Variants in RUFY2 observed in about 807,000 individuals in gnomAD.
RUFY2 encodes the protein RUN and FYVE domain containing 2.
In RUFY2, 49 loss-of-function variants were observed where a neutral mutation model predicts 94.4. That is an observed-to-expected ratio of 0.52 (90% CI 0.41 to 0.66). RUFY2 has a LOEUF of 0.66. Among genes scored for constraint, RUFY2 ranks in the 30% least tolerant of loss-of-function variants. RUFY2 has a pLI of 0.00. For synonymous variants in RUFY2, 255 were observed against 235.7 expected (o/e 1.08, Z -0.75); for missense variants, 541 against 692.8 (o/e 0.78, Z 2.46).
chr10:68,343,107 A>T (rs1485803161), downstream of RUFY2: 1 of 152,242 alleles, frequency 6.6e-6, no homozygotes, highest in East Asian at 1.9e-4. Context: ...GATCAAAATG[A>T]AACCTGTTGA....
At chr10:68,383,639 G>A (rs2049264544) in intron 10 of RUFY2, among the ~76,000 whole-genome samples, 159 bp downstream of exon 10, 1 of 152,120 alleles carries the variant, frequency 6.6e-6, no homozygotes, top group Non-Finnish European at 1.5e-5. Flanking sequence ...ATAAAACATT[G>A]ATATAGTGGA....
At chr10:68,390,527 A>G (rs1213540194) in intron 7 of RUFY2, among the ~76,000 whole-genome samples, 3 of 152,200 alleles carry the variant, frequency 2.0e-5, no homozygotes, top group Non-Finnish European at 4.4e-5. Context: ...TAAACACTTA[A>G]AAATGTGGCT....
At chr10:68,355,247 G>A (rs770112708) in intron 16 of RUFY2, 106 bp downstream of exon 16, 26 of 753,832 alleles carry the variant, frequency 3.4e-5, no homozygotes, top group Non-Finnish European at 5.6e-5. Flanking sequence ...CAGTGCTTCG[G>A]CCTCTATATA....
downstream of RUFY2, chr10:68,343,225 A>G (rs1393530751): frequency 2.0e-5 from 3 of 152,174 alleles, no homozygotes; most frequent in African/African-American, 7.2e-5. Context: ...GCTTTGTGTC[A>G]GTTACTAATT....
At chr10:68,392,493 T>G (rs1460593885) in intron 7 of RUFY2, among the ~76,000 whole-genome samples, 2 of 152,170 alleles carry the variant, frequency 1.3e-5, no homozygotes, top group East Asian at 3.8e-4. Context: ...CATTTACATA[T>G]GAAGCCCTTT....
At chr10:68,357,634 C>T (rs2047156033) in intron 15 of RUFY2, among the ~76,000 whole-genome samples, 1 of 151,876 alleles carries the variant, frequency 6.6e-6, no homozygotes, top group Non-Finnish European at 1.5e-5. Flanking sequence ...ATCCCATTAC[C>T]CAGAGGTAAT....
At chr10:68,364,420 T>TATGGTTACACCATAATGTAACC (rs2047662499) in intron 13 of RUFY2, among the ~76,000 whole-genome samples, 3 of 152,194 alleles carry the variant, frequency 2.0e-5, no homozygotes, top group Non-Finnish European at 4.4e-5. Context: ...CACACCATAA[T>TATGGTTACACCATAATGTAACC]ATTAAAACTG....
chr10:68,383,771 G>T, intron 10 of RUFY2, 27 bp downstream of exon 10: 1 of 1,427,912 alleles, frequency 7.0e-7, no homozygotes, highest in Non-Finnish European at 9.9e-7. Flanking sequence ...GGATGATCTT[G>T]CTAATGTAAT....
rs567254928 is a variant in RUFY2 at position 68,386,138 on chromosome 10, A to G, written c.651-10T>C. ...GCTGCTGACTGTGCTGCTGAAATTAAGAAACAAAAAAACTCATTCAAAATC... is the reference window on the plus strand; with the variant it reads ...GCTGCTGACTGTGCTGCTGAAATTAGGAAACAAAAAAACTCATTCAAAATC... On this transcript the variant is annotated splice_polypyrimidine_tract_variant and intron_variant, in intron 7 of 17. Coordinates refer to ENST00000602465, the MANE Select transcript of RUFY2 (RefSeq NM_001330103.2). The G allele has an allele frequency of 3.7e-6, 6 of 1,603,198 alleles. No homozygotes were observed. The South Asian group carries it at 6.8e-5, about 18-fold the overall frequency.
intron 2 of RUFY2, among the ~76,000 whole-genome samples, chr10:68,402,434 C>A (rs2050919105): frequency 6.6e-6 from 1 of 152,032 alleles, no homozygotes; most frequent in Admixed American, 6.6e-5. Context: ...CAAGGACACC[C>A]AAGATAGGCA....
chr10:68,388,506 A>C (rs2049702906), intron 7 of RUFY2, among the ~76,000 whole-genome samples: 1 of 152,172 alleles, frequency 6.6e-6, no homozygotes, highest in African/African-American at 2.4e-5. Context: ...CTATATTTTG[A>C]AATATTCTAA....
intron 12 of RUFY2, chr10:68,378,216 G>T: frequency 1.3e-5 from 13 of 1,003,602 alleles, no homozygotes; most frequent in Non-Finnish European, 1.4e-5. Context: ...AAAAATATCT[G>T]TGCCAACACA....
At chr10:68,372,311 G>A (rs547653331) in intron 13 of RUFY2, among the ~76,000 whole-genome samples, 9 of 152,002 alleles carry the variant, frequency 5.9e-5, no homozygotes, top group Non-Finnish European at 1.0e-4. Context: ...GAGGTGAGAG[G>A]ATCCCTTGAG....
At chr10:68,390,830 G>A (rs1369039203) in intron 7 of RUFY2, among the ~76,000 whole-genome samples, 11 of 151,412 alleles carry the variant, frequency 7.3e-5, no homozygotes, top group Admixed American at 2.6e-4. Context: ...GCAGTGATGC[G>A]ATCATAGTTC....
intron 15 of RUFY2, among the ~76,000 whole-genome samples, chr10:68,358,358 C>T (rs954351927): frequency 2.0e-5 from 3 of 152,172 alleles, no homozygotes; most frequent in African/African-American, 7.2e-5. Flanking sequence ...AAATGCTCTT[C>T]ATTCCAAGAC....
chr10:68,371,909 C>T (rs1403303889), intron 13 of RUFY2, among the ~76,000 whole-genome samples: 1 of 152,150 alleles, frequency 6.6e-6, no homozygotes, highest in Non-Finnish European at 1.5e-5. Context: ...GCTAAAAGAA[C>T]TGCCAACCCA....
intron 3 of RUFY2, among the ~76,000 whole-genome samples, chr10:68,399,446 A>C (rs562662714): frequency 1.3e-5 from 2 of 152,338 alleles, no homozygotes; most frequent in South Asian, 4.1e-4. Context: ...CAATTATAAT[A>C]ATAACCTCTA....
chr10:68,368,584 G>A (rs1475683161), intron 13 of RUFY2, among the ~76,000 whole-genome samples: 3 of 151,864 alleles, frequency 2.0e-5, no homozygotes, highest in Non-Finnish European at 4.4e-5. Flanking sequence ...GCTTGAACCC[G>A]GGAGGCGGAG....
At chr10:68,384,194 C>T (rs1165258056) in intron 8 of RUFY2, 42 bp from the exon 9 acceptor site, 1 of 1,561,138 alleles carries the variant, frequency 6.4e-7, no homozygotes, top group African/African-American at 1.4e-5. Context: ...TTTTAAACAC[C>T]CTTATACTTG....
Sources: gnomAD v4.1 joint callset for allele counts (sites outside exome capture counted in the v4.1 genomes callset) on GRCh38, gnomAD v4.1.1 for gene constraint, MANE v1.5 for transcripts, NCBI Gene and HGNC (gene_info 2026-07-23, HGNC 2026-07-21) for gene names.